GCNT1: variants seen among roughly 807,000 people sequenced by gnomAD.
The protein encoded by GCNT1 is glucosaminyl (N-acetyl) transferase 1, also known as beta-1,3-galactosyl-O-glycosyl-glycoprotein beta-1,6-N-acetylglucosaminyltransferase.
GCNT1 carries 16 observed loss-of-function variants against 26.2 expected under a neutral mutation model. The ratio of observed to expected loss-of-function variants is 0.61; its 90% CI spans 0.41 to 0.93. The LOEUF is 0.93. Among genes scored for constraint, GCNT1 ranks in the 40% least tolerant of loss-of-function variants. GCNT1 has a pLI of 0.00. For synonymous variants in GCNT1, 183 were observed against 190.8 expected (o/e 0.96, Z 0.34); for missense variants, 477 against 526.7 (o/e 0.91, Z 0.92).
At chr9:76,484,173 G>A (rs751068619) in intron 2 of GCNT1, among the ~76,000 whole-genome samples, 18 of 152,160 alleles carry the variant, frequency 1.2e-4, no homozygotes, top group Non-Finnish European at 2.5e-4. Flanking sequence ...TTGAGGCCAG[G>A]AATTCAAGAT....
intron 2 of GCNT1, among the ~76,000 whole-genome samples, chr9:76,478,452 C>T (rs1480830991): frequency 1.3e-5 from 2 of 152,150 alleles, no homozygotes; most frequent in African/African-American, 4.8e-5. Flanking sequence ...CACATCTGAA[C>T]ATCTGAAGGA....
chr9:76,491,158 CCT>C (rs548589632), intron 2 of GCNT1, among the ~76,000 whole-genome samples: 6 of 151,862 alleles, frequency 4.0e-5, no homozygotes, highest in South Asian at 4.2e-4. Flanking sequence ...TGTCTCTCTT[CCT>C]CTCTCTCTTT....
the GCNT1 span, among the ~76,000 whole-genome samples, chr9:76,412,451 A>T: frequency 2.0e-5 from 3 of 152,340 alleles, no homozygotes; most frequent in South Asian, 6.2e-4. Flanking sequence ...AGGCAGATCT[A>T]CTAGCAACAA....
At chr9:76,399,161 C>T in the GCNT1 span, 85 of 1,473,976 alleles carry the variant, frequency 5.8e-5, no homozygotes, top group South Asian at 1.1e-4. Flanking sequence ...TTCTCCTATG[C>T]GCTATGTGGA....
Position 76,462,133 on chromosome 9 carries a change from G to A in GCNT1, c.-290+1956G>A, listed in dbSNP as rs144402124. 6.8e-4 allele frequency among the ~76,000 whole-genome samples: 86 copies of A among 127,132 alleles called. No homozygotes were observed. In the East Asian group the frequency reaches 0.018, roughly 26 times the overall value. 83.4% of individuals were successfully genotyped at this position (127,132 alleles called of 152,430 possible). On this transcript the variant is annotated intron_variant, in intron 2 of 3. Coordinates refer to ENST00000376730, the MANE Select transcript of GCNT1 (RefSeq NM_001490.5). Reference sequence around the variant, plus strand: ...TTTCTATGAAGTGTGTGGTATTTCAGCTATACTGTATTTTTTTTTTTTTTA... The same window carrying A: ...TTTCTATGAAGTGTGTGGTATTTCAACTATACTGTATTTTTTTTTTTTTTA...
chr9:76,432,050 AGCAAGCTGAGATT>A (rs1823343940), intron 1 of GCNT1, among the ~76,000 whole-genome samples: 1 of 152,206 alleles, frequency 6.6e-6, no homozygotes, highest in African/African-American at 2.4e-5. Context: ...CAGAGGTGGC[AGCAAGCTGAGATT>A]GCACCACTGC....
At chr9:76,429,773 G>A (rs1823309814) in intron 1 of GCNT1, among the ~76,000 whole-genome samples, 1 of 149,280 alleles carries the variant, frequency 6.7e-6, no homozygotes, top group Non-Finnish European at 1.5e-5. Flanking sequence ...GGAGTTCAGT[G>A]GCGCAATCTC....
At chr9:76,450,752 C>A (rs958655871) in intron 1 of GCNT1, among the ~76,000 whole-genome samples, 3 of 152,010 alleles carry the variant, frequency 2.0e-5, no homozygotes, top group African/African-American at 7.2e-5. Context: ...ACGTAAACAC[C>A]CCTTTATTTG....
chr9:76,440,850 G>T (rs1182182094), upstream of GCNT1, among the ~76,000 whole-genome samples: 1 of 151,868 alleles, frequency 6.6e-6, no homozygotes, highest in Non-Finnish European at 1.5e-5. Context: ...TGGATCACAA[G>T]GTCAGGAGAT....
chr9:76,412,455 G>A, the GCNT1 span, among the ~76,000 whole-genome samples: 8 of 152,070 alleles, frequency 5.3e-5, no homozygotes, highest in African/African-American at 1.7e-4. Context: ...AGATCTACTA[G>A]CAACAAATTT....
Position 76,425,796 on chromosome 9 carries a change from T to C in GCNT1, n.38+5909T>C, listed in dbSNP as rs11144896. ...AGGGCCGGTGAGTCAAGAGCGCTGA[T>C]TGGTTGGGTCAGAGATTAAATCATA... On this transcript the variant is annotated intron_variant and non_coding_transcript_variant, in intron 1 of 3. Transcript: ENST00000488136. Among the ~76,000 whole-genome samples the C allele has an allele frequency of 4.0e-3, 604 of 152,012 alleles. 4 individuals are homozygous for C. Among genetic ancestry groups the C allele is most frequent in the African/African-American group, 0.014 (583 of 41,432 alleles).
upstream of GCNT1, among the ~76,000 whole-genome samples, chr9:76,418,744 A>G (rs927151346): frequency 1.3e-5 from 2 of 152,218 alleles, no homozygotes; most frequent in Non-Finnish European, 2.9e-5. Context: ...TTTAGGGGAA[A>G]TGAATGAACC....
chr9:76,453,533 G>C (rs1227470309), intron 1 of GCNT1, among the ~76,000 whole-genome samples: 14 of 152,184 alleles, frequency 9.2e-5, no homozygotes, highest in Non-Finnish European at 1.3e-4. Flanking sequence ...TGGGGGAAGA[G>C]GAGGGCATCT....
At chr9:76,432,334 A>G (rs1028924678) in intron 1 of GCNT1, among the ~76,000 whole-genome samples, 6 of 151,854 alleles carry the variant, frequency 4.0e-5, no homozygotes, top group African/African-American at 1.5e-4. Context: ...ATCTAGTTTA[A>G]TATATTTGTT....
intron 2 of GCNT1, among the ~76,000 whole-genome samples, chr9:76,498,791 GA>G (rs899341645): frequency 1.4e-5 from 2 of 139,792 alleles, no homozygotes; most frequent in Non-Finnish European, 3.0e-5. Context: ...AAAAAAAAAA[GA>G]AAAAAAGTGT....
At chr9:76,412,116 A>G in the GCNT1 span, among the ~76,000 whole-genome samples, 2 of 152,206 alleles carry the variant, frequency 1.3e-5, no homozygotes, top group African/African-American at 2.4e-5. Flanking sequence ...AGGTAGTGCA[A>G]GTACTTTATA....
chr9:76,422,566 C>T (rs911196613), intron 1 of GCNT1, among the ~76,000 whole-genome samples: 1 of 152,026 alleles, frequency 6.6e-6, no homozygotes, highest in African/African-American at 2.4e-5. Context: ...TTTTTTGAGA[C>T]AGGGTTTTGC....
At chr9:76,426,081 C>T (rs1454770526) in intron 1 of GCNT1, among the ~76,000 whole-genome samples, 1 of 152,140 alleles carries the variant, frequency 6.6e-6, no homozygotes, top group East Asian at 1.9e-4. Flanking sequence ...TTTGTTAGTC[C>T]TACAAATGCA....
intron 1 of GCNT1, among the ~76,000 whole-genome samples, chr9:76,432,897 G>A (rs1033385296): frequency 5.3e-5 from 8 of 151,294 alleles, no homozygotes; most frequent in South Asian, 2.1e-4. Context: ...TTTTACAGTC[G>A]TGCTCACCTT....
Sources: gnomAD v4.1 joint callset for allele counts (sites outside exome capture counted in the v4.1 genomes callset) on GRCh38, gnomAD v4.1.1 for gene constraint, MANE v1.5 for transcripts, NCBI Gene and HGNC (gene_info 2026-07-23, HGNC 2026-07-21) for gene names.